Variants in TEX9 observed in about 807,000 individuals in gnomAD.
The protein encoded by TEX9 is testis-expressed protein 9.
TEX9 carries 74 observed loss-of-function variants against 59.6 expected under a neutral mutation model. That is an observed-to-expected ratio of 1.24 (90% CI 1.03 to 1.51). TEX9 has a LOEUF of 1.51. Among genes scored for constraint, TEX9 ranks in the 40% most tolerant of loss-of-function variants. The pLI, the probability that TEX9 is intolerant of heterozygous loss-of-function variation, is 0.00. For missense variants in TEX9, 522 were observed against 447.8 expected, an observed-to-expected ratio of 1.17 and a Z score of -1.49; for synonymous variants, 186 against 152.2, an observed-to-expected ratio of 1.22 and a Z score of -1.64.
In TEX9 at chr15:56,396,610, T is replaced by C. The variant is rs537223553; in HGVS notation, c.828+1776T>C. The C allele has an allele frequency of 2.7e-5, 4 of 148,600 alleles. No individual in the cohort carries two copies. The East Asian group carries it at 7.9e-4, about 29-fold the overall frequency. The allele number at this position is 148,600 out of a possible 1,614,324, so 9.2% of individuals were successfully genotyped here. On this transcript the variant is annotated intron_variant, in intron 9 of 12. Transcript: ENST00000352903. ...TTCAGTTAGCATAAAACATTTGATA[T>C]GGTTTGGCTGTGTCCCCACCCAAAT...
chr15:56,460,009 A>AAAAAAAAAAAATATATATATATAT, the TEX9 span, among the ~76,000 whole-genome samples: 7 of 26,402 alleles, frequency 2.7e-4, no homozygotes, highest in African/African-American at 4.5e-4. Flanking sequence ...AAAAAAAAAA[A>AAAAAAAAAAAATATATATATATAT]ATACATATAT....
intron 12 of TEX9, among the ~76,000 whole-genome samples, chr15:56,445,058 T>C (rs2050884289): frequency 6.6e-6 from 1 of 152,090 alleles, no homozygotes; most frequent in Non-Finnish European, 1.5e-5. Flanking sequence ...GCTTCATTGT[T>C]TATCAGCTGC....
chr15:56,257,260 G>A (rs2044165045), intron 1 of TEX9, among the ~76,000 whole-genome samples: 1 of 152,034 alleles, frequency 6.6e-6, no homozygotes, highest in African/African-American at 2.4e-5. Flanking sequence ...ATGTGCATAT[G>A]CTTTTATAAT....
chr15:56,429,062 A>G, intron 12 of TEX9: 1 of 1,321,890 alleles, frequency 7.6e-7, no homozygotes, highest in Non-Finnish European at 1.1e-6. Context: ...TCTAGTGGTA[A>G]CATGCAAAAA....
intron 1 of TEX9, among the ~76,000 whole-genome samples, chr15:56,254,605 C>G (rs570514420): frequency 1.4e-4 from 21 of 151,516 alleles, no homozygotes; most frequent in African/African-American, 5.1e-4. Flanking sequence ...AGAGAGCTAA[C>G]AGGGATTCTT....
chr15:56,365,497 C>G lies in TEX9; in HGVS notation c.27+20C>G, dbSNP rs1262646897. ...CTCACGGTCAGTTCAACTCCAGGCT[C>G]CTGGGGAGCGTCTGGGTTCCGGCGA... On this transcript the variant is annotated intron_variant, in intron 1 of 12. Coordinates refer to ENST00000352903, the Ensembl canonical transcript of TEX9. 1.9e-6 allele frequency: 3 copies of G among 1,614,042 alleles called. No individual in the cohort carries two copies. The highest frequency in any genetic ancestry group is 1.3e-5 in the African/African-American group (1 of 74,920).
At chr15:56,348,461 TG>T (rs2046515091) in intron 1 of TEX9, among the ~76,000 whole-genome samples, 1 of 152,130 alleles carries the variant, frequency 6.6e-6, no homozygotes, top group Non-Finnish European at 1.5e-5. Flanking sequence ...TAGTTTCCTT[TG>T]ATGCAAAAAT....
intron 10 of TEX9, among the ~76,000 whole-genome samples, chr15:56,425,668 GTTATT>G (rs756952122): frequency 9.2e-5 from 14 of 152,132 alleles, no homozygotes; most frequent in Non-Finnish European, 1.2e-4. Context: ...ATTTATGGCA[GTTATT>G]TTAAAGTCCT....
At chr15:56,393,904 G>A in intron 7 of TEX9, 1 of 254,666 alleles carries the variant, frequency 3.9e-6, no homozygotes, top group South Asian at 6.2e-5. Flanking sequence ...ATCTGATGTA[G>A]TTTGGACCAC....
intron 1 of TEX9, among the ~76,000 whole-genome samples, chr15:56,255,938 A>T (rs1334017032): frequency 6.6e-6 from 1 of 152,054 alleles, no homozygotes; most frequent in African/African-American, 2.4e-5. Context: ...ATGAAACATT[A>T]ACTAGCTGCT....
chr15:56,459,745 CT>C, the TEX9 span, among the ~76,000 whole-genome samples: 5 of 151,410 alleles, frequency 3.3e-5, no homozygotes, highest in African/African-American at 1.2e-4. Context: ...TTTGGGAGCA[CT>C]TTGGGAGGCC....
intron 1 of TEX9, among the ~76,000 whole-genome samples, chr15:56,354,595 C>T (rs908741021): frequency 2.0e-5 from 3 of 152,102 alleles, no homozygotes; most frequent in Admixed American, 2.0e-4. Flanking sequence ...GTATTTAAAC[C>T]TTGTTCCCTT....
intron 1 of TEX9, among the ~76,000 whole-genome samples, chr15:56,272,699 T>G (rs188625494): frequency 5.3e-5 from 8 of 152,310 alleles, no homozygotes; most frequent in African/African-American, 1.7e-4. Context: ...CTGTTTCTCA[T>G]AGTGGCTGCA....
chr15:56,311,611 C>T (rs2045618833), intron 1 of TEX9, among the ~76,000 whole-genome samples: 4 of 146,026 alleles, frequency 2.7e-5, no homozygotes, highest in East Asian at 2.0e-4. Flanking sequence ...CATACGTGTG[C>T]ATGTGTCTTT....
At chr15:56,443,355 ACTAT>A (rs1449936661) in intron 12 of TEX9, 6 of 1,077,806 alleles carry the variant, frequency 5.6e-6, no homozygotes, top group Non-Finnish European at 7.8e-6. Context: ...ATTTAAATGT[ACTAT>A]CTCTTTTCTG....
At chr15:56,452,857 T>C in the TEX9 span, among the ~76,000 whole-genome samples, 2 of 152,250 alleles carry the variant, frequency 1.3e-5, no homozygotes, top group East Asian at 3.9e-4. Context: ...CAGTGAATCA[T>C]CCTCAGCAGT....
chr15:56,330,286 T>C (rs1348993114), intron 1 of TEX9, among the ~76,000 whole-genome samples: 1 of 152,024 alleles, frequency 6.6e-6, no homozygotes, highest in Non-Finnish European at 1.5e-5. Context: ...CTAAAGGGGG[T>C]ACTTCAATCT....
chr15:56,401,277 A>T (rs566066697), intron 9 of TEX9, among the ~76,000 whole-genome samples: 7 of 126,294 alleles, frequency 5.5e-5, no homozygotes, highest in Non-Finnish European at 1.1e-4. Flanking sequence ...AAATAAAGGG[A>T]TGGAGGAAGA....
chr15:56,383,826 G>T (rs932575364), intron 3 of TEX9, 126 bp from the exon 4 acceptor site: 2 of 590,200 alleles, frequency 3.4e-6, no homozygotes, highest in East Asian at 5.8e-5. Flanking sequence ...TTAGAATTCC[G>T]TGCCTTTATG....
Sources: allele counts gnomAD v4.1 joint callset (sites outside exome capture counted in the v4.1 genomes callset), GRCh38; gene constraint gnomAD v4.1.1; transcripts MANE v1.5; gene names NCBI Gene and HGNC (gene_info 2026-07-23, HGNC 2026-07-21).